Variants in GYS2 observed in about 807,000 individuals in gnomAD.
The protein encoded by GYS2 is glycogen [starch] synthase, liver.
A neutral mutation model predicts 85.6 loss-of-function variants in GYS2; 80 were observed. That is an observed-to-expected ratio of 0.93 (90% CI 0.78 to 1.13). The LOEUF (loss-of-function observed/expected upper bound fraction) is 1.13. Ranked by LOEUF, GYS2 falls within the 50% of genes most tolerant of loss-of-function variation. The pLI, the probability that GYS2 is intolerant of heterozygous loss-of-function variation, is 0.00. For missense variants in GYS2, 881 were observed against 854.9 expected (o/e 1.03, Z -0.38); for synonymous variants, 328 against 300.7 (o/e 1.09, Z -0.94).
At position 21,542,415 on chromosome 12, in the gene GYS2, G is replaced by A. The variant is rs1039003393; in HGVS notation, c.1645+81C>T. The stretch of plus-strand genomic sequence containing the variant: ...GTTTAATTATCAGGATAGCTTTAGA[G>A]TTAGGCTCTGTAAAGACCCTGTGCT... On this transcript the variant is annotated intron_variant, in intron 13 of 15. Coordinates refer to ENST00000261195, the MANE Select transcript of GYS2 (RefSeq NM_021957.4). 5.9e-6 allele frequency: 5 copies of A among 850,454 alleles called. No individual in the cohort carries two copies. In the Admixed American group the frequency reaches 8.5e-5, roughly 14 times the overall value. 52.7% of individuals were successfully genotyped at this position (850,454 alleles called of 1,614,324 possible).
chr12:21,559,730 T>C lies in GYS2; in HGVS notation c.1170-20A>G. 6.7e-7 allele frequency: 1 copy of C among 1,491,052 alleles called. No individual in the cohort carries two copies. Among genetic ancestry groups the C allele is most frequent in the Non-Finnish European group, 9.4e-7 (1 of 1,068,170 alleles). The allele number at this position is 1,491,052 out of a possible 1,614,324, so 92.4% of individuals were successfully genotyped here. ...ACATCCCTGTTTGAAACAGAAAGAT[T>C]TATCATTTAAACAGTATGACAATGT... On this transcript the variant is annotated intron_variant, in intron 8 of 15. Coordinates refer to ENST00000261195, the MANE Select transcript of GYS2 (RefSeq NM_021957.4).
intron 2 of GYS2, 149 bp from the exon 3 acceptor site, chr12:21,576,206 C>T (rs1944445372): frequency 1.5e-6 from 1 of 676,876 alleles, no homozygotes; most frequent in Admixed American, 2.3e-5. Context: ...CATATAGCCT[C>T]TGCTGTTTGA....
chr12:21,561,387 G>A (rs1179707667), intron 7 of GYS2, among the ~76,000 whole-genome samples: 1 of 152,082 alleles, frequency 6.6e-6, no homozygotes, highest in Admixed American at 6.5e-5. Context: ...CCAGAGTGTG[G>A]GGCACTTTAC....
At chr12:21,601,623 A>T (rs1308844550) in intron 1 of GYS2, among the ~76,000 whole-genome samples, 1 of 152,142 alleles carries the variant, frequency 6.6e-6, no homozygotes, top group Non-Finnish European at 1.5e-5. Context: ...CCTCTAGGTA[A>T]CTAGGTTAGA....
At chr12:21,566,448 T>G (rs1040728460) in intron 5 of GYS2, among the ~76,000 whole-genome samples, 3 of 152,090 alleles carry the variant, frequency 2.0e-5, no homozygotes, top group Non-Finnish European at 4.4e-5. Context: ...TTCAGAGATT[T>G]CACAATTTCC....
intron 12 of GYS2, among the ~76,000 whole-genome samples, chr12:21,544,442 G>T (rs879693022): frequency 1.3e-5 from 2 of 152,154 alleles, no homozygotes; most frequent in Non-Finnish European, 2.9e-5. Context: ...TCAGCTGTTA[G>T]TTCTATAACA....
chr12:21,542,209 G>A (rs900590760), intron 13 of GYS2, among the ~76,000 whole-genome samples: 4 of 151,264 alleles, frequency 2.6e-5, no homozygotes, highest in African/African-American at 9.8e-5. Context: ...CACCATACTT[G>A]GCTAATTTTT....
At chr12:21,568,749 G>A in intron 5 of GYS2, 116 bp downstream of exon 5, 4 of 851,086 alleles carry the variant, frequency 4.7e-6, no homozygotes, top group Non-Finnish European at 8.2e-6. Context: ...AAAAAGAGCT[G>A]CGTGGTAACT....
At chr12:21,576,110 A>T in intron 2 of GYS2, 53 bp from the exon 3 acceptor site, 1 of 1,408,280 alleles carries the variant, frequency 7.1e-7, no homozygotes, top group Non-Finnish European at 1.0e-6. Flanking sequence ...GCAAGACAGG[A>T]CAATGTATTT....
At chr12:21,600,691 G>A (rs984986214) in intron 1 of GYS2, among the ~76,000 whole-genome samples, 3 of 152,056 alleles carry the variant, frequency 2.0e-5, no homozygotes, top group Non-Finnish European at 2.9e-5. Context: ...TCAGAGAAAA[G>A]TACTTCTATA....
At chr12:21,571,982 A>G (rs1944391646) in intron 4 of GYS2, among the ~76,000 whole-genome samples, 2 of 125,288 alleles carry the variant, frequency 1.6e-5, no homozygotes. Flanking sequence ...CAAACAAACA[A>G]CATAAAATGG....
intron 15 of GYS2, 64 bp from the exon 16 acceptor site, chr12:21,537,239 A>T: frequency 9.0e-7 from 1 of 1,106,734 alleles, no homozygotes; most frequent in East Asian, 2.4e-5. Flanking sequence ...CGATGTAAAT[A>T]CTATGCATGC....
chr12:21,586,032 A>G lies in GYS2; in HGVS notation c.122-5509T>C, dbSNP rs532593861. On this transcript the variant is annotated intron_variant, in intron 1 of 15. Transcript: ENST00000261195. ...TTGTGATGGTTAATACTGAGTGTCA[A>G]CTTGATTGGATTGAAGTGTGCAAAG... Among the ~76,000 whole-genome samples, 13 of 152,282 alleles carry G rather than the reference A, an allele frequency of 8.5e-5. No individual in the cohort carries two copies. In the East Asian group the frequency reaches 2.5e-3, roughly 29 times the overall value.
chr12:21,594,330 G>A (rs925945115), intron 1 of GYS2, among the ~76,000 whole-genome samples: 2 of 152,110 alleles, frequency 1.3e-5, no homozygotes, highest in Non-Finnish European at 2.9e-5. Flanking sequence ...CTTTCCAGAT[G>A]ACATGATTTT....
At chr12:21,546,055 C>T (rs1944035536) in intron 12 of GYS2, among the ~76,000 whole-genome samples, 1 of 152,068 alleles carries the variant, frequency 6.6e-6, no homozygotes, top group African/African-American at 2.4e-5. Flanking sequence ...TAAGATACAA[C>T]CTTTATATCA....
chr12:21,591,198 A>G lies in GYS2; in HGVS notation c.122-10675T>C, dbSNP rs370375959. The stretch of plus-strand genomic sequence containing the variant: ...GAATCCAAAATGTTGATATTAAGGA[A>G]GCTCAGTGAGACACAAGAGAACTCA... On this transcript the variant is annotated intron_variant, in intron 1 of 15. Coordinates refer to ENST00000261195, the MANE Select transcript of GYS2 (RefSeq NM_021957.4). 9.1e-4 allele frequency among the ~76,000 whole-genome samples: 139 copies of G among 152,266 alleles called. 1 individual carries two copies. The highest frequency in any genetic ancestry group is 3.9e-3 in the South Asian group (19 of 4,828).
intron 11 of GYS2, among the ~76,000 whole-genome samples, chr12:21,551,012 A>T (rs905736443): frequency 2.4e-3 from 77 of 32,066 alleles, no homozygotes; most frequent in East Asian, 0.01. Flanking sequence ...TTTTTTTTTT[A>T]ATTTTTTTTT....
chr12:21,571,996 G>A (rs1308434098), intron 4 of GYS2, among the ~76,000 whole-genome samples: 1 of 138,428 alleles, frequency 7.2e-6, no homozygotes, highest in Non-Finnish European at 1.6e-5. Context: ...AAAATGGGAG[G>A]GGGGGTGGGG....
intron 1 of GYS2, among the ~76,000 whole-genome samples, chr12:21,600,404 A>C (rs1211774793): frequency 6.6e-6 from 1 of 152,154 alleles, no homozygotes; most frequent in East Asian, 1.9e-4. Flanking sequence ...TTGAGATTAC[A>C]GGTGTGAATC....
Sources: gnomAD v4.1 joint callset for allele counts (sites outside exome capture counted in the v4.1 genomes callset) on GRCh38, gnomAD v4.1.1 for gene constraint, MANE v1.5 for transcripts, NCBI Gene and HGNC (gene_info 2026-07-23, HGNC 2026-07-21) for gene names.